The following RLF variants were observed in gnomAD, a reference collection of about 807,000 sequenced individuals.
The protein encoded by RLF is RLF zinc finger, also known as zinc finger protein Rlf.
A neutral mutation model predicts 162.9 loss-of-function variants in RLF; 7 were observed. That is an observed-to-expected ratio of 0.04 (90% CI 0.02 to 0.08). The LOEUF (loss-of-function observed/expected upper bound fraction) is 0.08, where lower values mean the gene tolerates loss of function less well. RLF is among the 10% of genes least tolerant of loss of function. RLF has a pLI of 1.00. For missense variants in RLF, 1,664 were observed against 2,244.7 expected (o/e 0.74, Z 5.23); for synonymous variants, 782 against 791.5 (o/e 0.99, Z 0.20).
intron 1 of RLF, among the ~76,000 whole-genome samples, chr1:40,168,891 G>T (rs1469437159): frequency 2.0e-5 from 3 of 152,034 alleles, no homozygotes; most frequent in Non-Finnish European, 2.9e-5. Flanking sequence ...TACTCAGGAG[G>T]CTGAGGCAGG....
chr1:40,162,535 GAAAATGC>G (rs1642107370), intron 1 of RLF, among the ~76,000 whole-genome samples: 1 of 152,174 alleles, frequency 6.6e-6, no homozygotes, highest in Non-Finnish European at 1.5e-5. Flanking sequence ...TTGTACCTTA[GAAAATGC>G]AAAATAATCG....
chr1:40,228,296 A>G (rs1261758986), intron 6 of RLF, among the ~76,000 whole-genome samples: 2 of 150,284 alleles, frequency 1.3e-5, no homozygotes, highest in African/African-American at 4.9e-5. Flanking sequence ...AAAAAAAAAA[A>G]AGCCAGGCGT....
chr1:40,222,455 A>G, intron 5 of RLF, 119 bp from the exon 6 acceptor site: 1 of 804,626 alleles, frequency 1.2e-6, no homozygotes, highest in Admixed American at 2.7e-5. Context: ...AGACTCATTC[A>G]TTAGCAGGAG....
intron 6 of RLF, among the ~76,000 whole-genome samples, chr1:40,223,315 T>TA (rs1237368721): frequency 6.6e-6 from 1 of 152,206 alleles, no homozygotes; most frequent in Non-Finnish European, 1.5e-5. Flanking sequence ...ACAAACCTGA[T>TA]ACACAGGAAA....
rs1470123333 is a variant in RLF at position 40,222,633 on chromosome 1, G to C, written c.870G>C (p.Gly290=). 1 of 1,613,324 alleles carries C rather than the reference G, an allele frequency of 6.2e-7. No homozygotes were observed. The highest frequency in any genetic ancestry group is 8.5e-7 in the Non-Finnish European group (1 of 1,179,694). The change falls in exon 6 of 8, where the codon GGG becomes GGC. Residue 290 remains glycine, a synonymous_variant. Coordinates refer to ENST00000372771, the MANE Select transcript of RLF (RefSeq NM_012421.4). The part of the protein sequence containing the change: ...LDIICNLESE[G]QDNTAFVLCT... ...TCATTTGTAATCTGGAATCTGAGGG[G>C]CAGGATAACACAGCATTTGTTCTTT...
chr1:40,201,216 C>T (rs1642715628), intron 4 of RLF, among the ~76,000 whole-genome samples: 1 of 151,610 alleles, frequency 6.6e-6, no homozygotes, highest in Non-Finnish European at 1.5e-5. Context: ...TTAGATTAAC[C>T]ACCTAAAGCA....
chr1:40,197,923 G>A (rs776834333), intron 4 of RLF, among the ~76,000 whole-genome samples: 1 of 152,126 alleles, frequency 6.6e-6, no homozygotes, highest in African/African-American at 2.4e-5. Context: ...ATTGTCTTCT[G>A]TAATAAGTGC....
At chr1:40,234,072 C>G (rs902510768) in intron 7 of RLF, among the ~76,000 whole-genome samples, 8 of 152,230 alleles carry the variant, frequency 5.3e-5, no homozygotes, top group Admixed American at 5.2e-4. Flanking sequence ...CCTCAGCCTC[C>G]CAAGTAGCTG....
At chr1:40,170,548 T>C (rs765720425) in intron 1 of RLF, among the ~76,000 whole-genome samples, 7 of 152,180 alleles carry the variant, frequency 4.6e-5, no homozygotes, top group Non-Finnish European at 8.8e-5. Context: ...TTGCCCGGCC[T>C]CCTTTCATTC....
intron 5 of RLF, among the ~76,000 whole-genome samples, chr1:40,205,484 T>TC (rs201368244): frequency 2.9e-4 from 41 of 140,048 alleles, no homozygotes; most frequent in African/African-American, 1.1e-3. Flanking sequence ...TTTCCTTCCT[T>TC]CTTTTTTTTT....
chr1:40,204,381 A>T (rs887632391), intron 5 of RLF, among the ~76,000 whole-genome samples: 7 of 150,528 alleles, frequency 4.7e-5, no homozygotes, highest in African/African-American at 1.7e-4. Context: ...ATCTTCACCT[A>T]CTCTATGTGT....
At chr1:40,201,869 A>C (rs1475805333) in intron 4 of RLF, among the ~76,000 whole-genome samples, 2 of 152,100 alleles carry the variant, frequency 1.3e-5, no homozygotes, top group African/African-American at 4.8e-5. Flanking sequence ...AAAAGTGAAC[A>C]GTTTTCTTTA....
At chr1:40,208,385 G>T (rs1174549584) in intron 5 of RLF, among the ~76,000 whole-genome samples, 1 of 152,184 alleles carries the variant, frequency 6.6e-6, no homozygotes, top group Non-Finnish European at 1.5e-5. Context: ...AGGATAAAAT[G>T]CTTTGCACTG....
intron 1 of RLF, among the ~76,000 whole-genome samples, chr1:40,178,632 G>GTTTTTTTTTTTTTTTTT (rs57391266): frequency 9.0e-5 from 8 of 88,400 alleles, no homozygotes; most frequent in Admixed American, 2.4e-4. Flanking sequence ...TTTTTTTTTT[G>GTTTTTTTTTTTTTTTTT]TTTTTTTTTT....
In RLF at chr1:40,190,790, G is replaced by T; in HGVS notation, c.411G>T (p.Leu137=). The T allele has an allele frequency of 6.2e-7, 1 of 1,610,508 alleles. No individual in the cohort carries two copies. Among genetic ancestry groups the T allele is most frequent in the South Asian group, 1.1e-5 (1 of 90,840 alleles). Residue 137 remains leucine, a synonymous_variant, in exon 3 of 8, where the codon CTG becomes CTT. Coordinates refer to ENST00000372771, the MANE Select transcript of RLF (RefSeq NM_012421.4). The part of the protein sequence containing the change: ...GRLVLSCFEL[L]LSVSESELPC... ...ATTGTAGGAGTTGTTTCGAATTACTGCTTTCAGTGTCTGAAAGTGAACTGC... is the reference window on the plus strand; with the variant it reads ...ATTGTAGGAGTTGTTTCGAATTACTTCTTTCAGTGTCTGAAAGTGAACTGC...
intron 6 of RLF, among the ~76,000 whole-genome samples, chr1:40,225,673 A>G (rs1643061783): frequency 6.6e-6 from 1 of 151,642 alleles, no homozygotes; most frequent in Non-Finnish European, 1.5e-5. Context: ...TCAGGAGATC[A>G]AGACCATCCT....
In RLF at chr1:40,237,935, A is replaced by C. The variant is rs1377051299; in HGVS notation, c.3233A>C (p.His1078Pro). The C allele has an allele frequency of 1.9e-6, 3 of 1,614,116 alleles. No individual in the cohort carries two copies. In the Admixed American group the frequency reaches 5.0e-5, roughly 27 times the overall value. Residue 1078 changes from histidine (H) to proline (P), a missense_variant, in exon 8 of 8, where the codon CAT (histidine) becomes CCT (proline). Physicochemically the swap from His to Pro is moderately conservative, Grantham distance 77. This residue lies in a region of RLF where 295 missense variants were observed against 317.4 expected (regional missense o/e 0.93). Coordinates refer to ENST00000372771, the MANE Select transcript of RLF (RefSeq NM_012421.4). This position sits in a 1 kb window ranked among gnomAD's most constrained non-coding sequence, Gnocchi z 4.4. ...KHLSLKNSIT[H>P]GSFSGSLQGY... ...TTAAGCTTGAAAAACTCAATAACAC[A>C]TGGATCTTTCTCAGGGTCATTGCAG...
intron 5 of RLF, among the ~76,000 whole-genome samples, chr1:40,216,933 T>C (rs1026319923): frequency 2.0e-5 from 3 of 152,112 alleles, no homozygotes; most frequent in Admixed American, 6.5e-5. Flanking sequence ...GCACCTGTAA[T>C]CCCAGCTACT....
At chr1:40,198,567 C>G (rs1354416549) in intron 4 of RLF, among the ~76,000 whole-genome samples, 2 of 152,202 alleles carry the variant, frequency 1.3e-5, no homozygotes, top group Non-Finnish European at 2.9e-5. Context: ...TCCCGAAGTG[C>G]TGGGATTACA....
Sources: gnomAD v4.1 joint callset for allele counts (sites outside exome capture counted in the v4.1 genomes callset) on GRCh38, gnomAD v4.1.1 for gene constraint, gnomAD v4.1.1 regional missense constraint, Gnocchi (gnomAD v3.1) non-coding constraint, MANE v1.5 for transcripts, NCBI Gene and HGNC (gene_info 2026-07-23, HGNC 2026-07-21) for gene names.